Variants in CADM1 observed in about 807,000 individuals in gnomAD.
CADM1 encodes the protein cell adhesion molecule 1.
In CADM1, 15 loss-of-function variants were observed where a neutral mutation model predicts 53.1. That is an observed-to-expected ratio of 0.28 (90% CI 0.19 to 0.44). The LOEUF (loss-of-function observed/expected upper bound fraction) is 0.44, where lower values mean the gene tolerates loss of function less well. Among genes scored for constraint, CADM1 ranks in the 20% least tolerant of loss-of-function variants. CADM1 has a pLI of 1.00. For missense variants in CADM1, 434 were observed against 611.3 expected (o/e 0.71, Z 3.06); for synonymous variants, 281 against 243.0 (o/e 1.16, Z -1.45).
intron 1 of CADM1, among the ~76,000 whole-genome samples, chr11:115,396,556 G>A (rs907823828): frequency 6.6e-6 from 1 of 152,158 alleles, no homozygotes; most frequent in Non-Finnish European, 1.5e-5. Flanking sequence ...AAGGTGAAGG[G>A]AATACTTCTT....
At chr11:115,432,220 C>T (rs1250431497) in intron 1 of CADM1, among the ~76,000 whole-genome samples, 1 of 152,108 alleles carries the variant, frequency 6.6e-6, no homozygotes, top group Non-Finnish European at 1.5e-5. Context: ...GCTGGGATTA[C>T]AGGCGTGAGC....
intron 10 of CADM1, among the ~76,000 whole-genome samples, chr11:115,189,046 G>A (rs57538954): frequency 0.012 from 1,758 of 152,200 alleles, 27 homozygotes; most frequent in African/African-American, 0.04. Flanking sequence ...AAGGCAGCCC[G>A]GCCCAGCCTG....
intron 4 of CADM1, 34 bp from the exon 5 acceptor site, chr11:115,229,305 T>C: frequency 6.2e-7 from 1 of 1,610,974 alleles, no homozygotes; most frequent in Non-Finnish European, 8.5e-7. Flanking sequence ...GACACCAGAG[T>C]TGGGTGAATT....
chr11:115,253,469 C>T (rs1942673541), intron 1 of CADM1, among the ~76,000 whole-genome samples: 1 of 152,128 alleles, frequency 6.6e-6, no homozygotes, highest in African/African-American at 2.4e-5. Context: ...TTTCCCCTTT[C>T]ATTTGACATC....
intron 1 of CADM1, among the ~76,000 whole-genome samples, chr11:115,439,015 C>A (rs1309619348): frequency 6.6e-6 from 1 of 152,220 alleles, no homozygotes; most frequent in African/African-American, 2.4e-5. Flanking sequence ...GAAGCATTAT[C>A]ATCAGAGAAC....
intron 1 of CADM1, among the ~76,000 whole-genome samples, chr11:115,434,858 TTATTA>T (rs1366711172): frequency 1.9e-5 from 2 of 108,026 alleles, no homozygotes; most frequent in Non-Finnish European, 4.8e-5. Flanking sequence ...ATTATTATTA[TTATTA>T]TTTTTTTTTT....
chr11:115,288,252 G>T (rs1943783518), intron 1 of CADM1, among the ~76,000 whole-genome samples: 1 of 152,130 alleles, frequency 6.6e-6, no homozygotes, highest in Non-Finnish European at 1.5e-5. Flanking sequence ...GAGAGAATGG[G>T]TCATCTAGAA....
At chr11:115,489,140 G>A (rs1159383008) in intron 1 of CADM1, among the ~76,000 whole-genome samples, 2 of 152,234 alleles carry the variant, frequency 1.3e-5, no homozygotes, top group East Asian at 1.9e-4. Flanking sequence ...TCCCAGGACT[G>A]TGAAGTGATT....
chr11:115,500,985 A>G (rs1007133099), intron 1 of CADM1, among the ~76,000 whole-genome samples: 1 of 152,220 alleles, frequency 6.6e-6, no homozygotes, highest in Non-Finnish European at 1.5e-5. Flanking sequence ...GCCATTGGGG[A>G]AAACTGGATA....
intron 1 of CADM1, among the ~76,000 whole-genome samples, chr11:115,268,852 G>A (rs1390449943): frequency 6.6e-6 from 1 of 152,080 alleles, no homozygotes; most frequent in African/African-American, 2.4e-5. Flanking sequence ...AATTTGACTT[G>A]GCAAGTCAAA....
In CADM1 at chr11:115,484,830, C is replaced by G. The variant is rs531546402; in HGVS notation, c.124+19441G>C. On this transcript the variant is annotated intron_variant, in intron 1 of 11. Coordinates refer to ENST00000331581, the MANE Select transcript of CADM1 (RefSeq NM_001301043.2). ...GGCGTGGTGGCGGGCGCCTGTAGTC[C>G]CAGCTACTCAGGAGGCTGAGGCAGG... Among the ~76,000 whole-genome samples, 838 of 152,014 alleles carry G rather than the reference C, an allele frequency of 5.5e-3. 6 individuals carry two copies. Among genetic ancestry groups the G allele is most frequent in the African/African-American group, 0.019 (799 of 41,460 alleles).
chr11:115,179,121 G>C (rs1939188275), intron 10 of CADM1: 1 of 349,316 alleles, frequency 2.9e-6, no homozygotes, highest in African/African-American at 2.1e-5. Flanking sequence ...TAAGGGGGCT[G>C]ACCTGACTAT....
intron 1 of CADM1, among the ~76,000 whole-genome samples, chr11:115,361,077 T>C (rs1450379220): frequency 1.3e-5 from 2 of 152,178 alleles, no homozygotes; most frequent in Non-Finnish European, 2.9e-5. Flanking sequence ...GCCCTACTTC[T>C]TGATCTCAAA....
intron 1 of CADM1, among the ~76,000 whole-genome samples, chr11:115,400,679 A>G (rs1338281062): frequency 7.1e-3 from 349 of 49,398 alleles, no homozygotes; most frequent in Middle Eastern, 0.032. Flanking sequence ...ATATATATAT[A>G]TATATATATA....
chr11:115,485,542 G>A (rs1182785807), intron 1 of CADM1, among the ~76,000 whole-genome samples: 3 of 152,154 alleles, frequency 2.0e-5, no homozygotes, highest in Admixed American at 2.0e-4. Flanking sequence ...AATCATGGGG[G>A]CGGTTTCCCC....
Position 115,198,406 on chromosome 11 carries a change from C to T in CADM1, c.1111G>A (p.Gly371Ser), listed in dbSNP as rs766227147. ...AGATAAACAGTAATGTGATACCAAC[C>T]GTGAACTGCTGGTTCTGTCGTCGCC... is the stretch of plus-strand genomic sequence containing the variant. ...TTATTEPAVHGLTQLPNSAEE... is the reference protein window; with the variant it reads ...TTATTEPAVHSLTQLPNSAEE... Residue 371 changes from glycine (G) to serine (S), a missense_variant and splice_region_variant, in exon 9 of 12, where the codon GGC becomes AGC. Physicochemically the swap from Gly to Ser is moderately conservative, Grantham distance 56. This residue lies in a region of CADM1 where 311 missense variants were observed against 435.1 expected (regional missense o/e 0.71). Transcript: ENST00000331581. 3.1e-6 allele frequency: 5 copies of T among 1,593,720 alleles called. No individual in the cohort carries two copies. Among genetic ancestry groups the T allele is most frequent in the Admixed American group, 1.7e-5 (1 of 59,702 alleles).
At chr11:115,459,795 T>C (rs1193005710) in intron 1 of CADM1, among the ~76,000 whole-genome samples, 1 of 152,200 alleles carries the variant, frequency 6.6e-6, no homozygotes, top group Non-Finnish European at 1.5e-5. Context: ...GCATATGGTT[T>C]TCTCTTATCC....
chr11:115,335,753 A>G (rs1945251324), intron 1 of CADM1, among the ~76,000 whole-genome samples: 1 of 152,192 alleles, frequency 6.6e-6, no homozygotes, highest in African/African-American at 2.4e-5. Context: ...AAATGGTGAC[A>G]CATTTCATTA....
chr11:115,345,695 C>T (rs1485599243), intron 1 of CADM1, among the ~76,000 whole-genome samples: 1 of 152,068 alleles, frequency 6.6e-6, no homozygotes, highest in Non-Finnish European at 1.5e-5. Context: ...TGTTTACATC[C>T]TGTTTGTTTT....
Sources: gnomAD v4.1 joint callset for allele counts (sites outside exome capture counted in the v4.1 genomes callset) on GRCh38, gnomAD v4.1.1 for gene constraint, gnomAD v4.1.1 regional missense constraint, MANE v1.5 for transcripts, NCBI Gene and HGNC (gene_info 2026-07-23, HGNC 2026-07-21) for gene names.